Variants in PCDHGA4 observed in about 807,000 individuals in gnomAD.
PCDHGA4 encodes protocadherin gamma subfamily A, 4, also known as protocadherin gamma-A4.
PCDHGA4 carries 38 observed loss-of-function variants against 54.6 expected under a neutral mutation model. The ratio of observed to expected loss-of-function variants is 0.70; its 90% CI spans 0.54 to 0.91. The LOEUF is 0.91. PCDHGA4 is among the 40% of genes least tolerant of loss of function. The pLI, the probability that PCDHGA4 is intolerant of heterozygous loss-of-function variation, is 0.00. For synonymous variants in PCDHGA4, 511 were observed against 512.9 expected, an observed-to-expected ratio of 1.00 and a Z score of 0.05; for missense variants, 1,298 against 1,220.9, an observed-to-expected ratio of 1.06 and a Z score of -0.94.
At chr5:141,445,855 T>C (rs1432695384) in intron 1 of PCDHGA4, among the ~76,000 whole-genome samples, 1 of 152,222 alleles carries the variant, frequency 6.6e-6, no homozygotes, top group Non-Finnish European at 1.5e-5. Flanking sequence ...CTTAAAATTC[T>C]GGATTTTGTT....
At chr5:141,390,887 T>A (rs547559021) in intron 1 of PCDHGA4, 2,724 of 151,184 alleles carry the variant, frequency 0.018, 30 homozygotes, top group African/African-American at 0.021. Flanking sequence ...TGTGTGTGTG[T>A]GAGAGAGATC....
In PCDHGA4 at chr5:141,511,116, G is replaced by A. The variant is rs2099883616; in HGVS notation, c.2832G>A (p.Lys944=). Residue 944 remains lysine, a synonymous_variant, in exon 4 of 4, where the codon AAG becomes AAA. Transcript: ENST00000571252. The stretch of plus-strand genomic sequence containing the variant: ...ACGCAGCTGGCAAGCGGGATGGCAA[G>A]GCCCCAGCAGGTGGCAATGGCAACA... ...LTNAAGKRDG[K]APAGGNGNKK... The A allele has an allele frequency of 1.9e-6, 3 of 1,614,234 alleles. No individual in the cohort carries two copies. The highest frequency in any genetic ancestry group is 2.5e-6 in the Non-Finnish European group (3 of 1,180,026).
chr5:141,490,196 A>G lies in PCDHGA4; in HGVS notation c.2515-4611A>G, dbSNP rs748858034. On this transcript the variant is annotated intron_variant, in intron 1 of 3. Coordinates refer to ENST00000571252, the MANE Select transcript of PCDHGA4 (RefSeq NM_018917.4). The surrounding 1 kb of genome is among the most constrained non-coding windows in gnomAD (Gnocchi z 5.4). ...GAGGAGTCACGTTTCTATGAAATTCATGCAAGAGCCCGTGACCAGGGACAG... is the reference window on the plus strand; with the variant it reads ...GAGGAGTCACGTTTCTATGAAATTCGTGCAAGAGCCCGTGACCAGGGACAG... The G allele has an allele frequency of 3.7e-6, 6 of 1,614,196 alleles. No individual in the cohort carries two copies. The highest frequency in any genetic ancestry group is 4.2e-6 in the Non-Finnish European group (5 of 1,180,020).
At chr5:141,362,612 G>A in intron 1 of PCDHGA4, 3 of 1,553,624 alleles carry the variant, frequency 1.9e-6, no homozygotes, top group Non-Finnish European at 2.6e-6. Flanking sequence ...CCTAATTTGG[G>A]TAGGAAGTTC....
intron 1 of PCDHGA4, chr5:141,359,969 T>G: frequency 3.0e-6 from 2 of 675,724 alleles, no homozygotes; most frequent in Non-Finnish European, 4.4e-6. Context: ...GAGAAGCGTT[T>G]GGGAGCCTCT....
chr5:141,356,269 C>T lies in PCDHGA4; in HGVS notation c.1162C>T (p.Gln388Ter). 1 of 1,562,502 alleles carries T rather than the reference C, an allele frequency of 6.4e-7. No homozygotes were observed. Among genetic ancestry groups the T allele is most frequent in the Non-Finnish European group, 8.7e-7 (1 of 1,152,762 alleles). Residue 388 changes from glutamine (Q) to a stop codon, truncating the protein, a stop_gained, in exon 1 of 4, where the codon CAG becomes TAG. Coordinates refer to ENST00000571252, the MANE Select transcript of PCDHGA4 (RefSeq NM_018917.4). LOFTEE classifies it high-confidence loss of function. ...AGTTACATCTCTCACCAGCTCAGTCCAGGAATCTTCTTCCCCGGGTACAGT... is the reference window on the plus strand; with the variant it reads ...AGTTACATCTCTCACCAGCTCAGTCTAGGAATCTTCTTCCCCGGGTACAGT... ...VTVTSLTSSV[Q>*]ESSSPGTVIA...
chr5:141,419,138 A>G (rs1590146439), intron 1 of PCDHGA4: 1 of 1,613,920 alleles, frequency 6.2e-7, no homozygotes, highest in Non-Finnish European at 8.5e-7. Flanking sequence ...AGCCACAGAC[A>G]GGGGCAAGCC....
At chr5:141,383,378 C>G (rs753458256) in intron 1 of PCDHGA4, 1 of 1,614,002 alleles carries the variant, frequency 6.2e-7, no homozygotes, top group Non-Finnish European at 8.5e-7. Context: ...GCTGGGGATC[C>G]AGATGTGGGC....
intron 1 of PCDHGA4, among the ~76,000 whole-genome samples, chr5:141,479,817 A>T (rs773702225): frequency 6.6e-6 from 1 of 152,230 alleles, no homozygotes; most frequent in Non-Finnish European, 1.5e-5. Flanking sequence ...CAAGGATACT[A>T]TCCAAGGCAT....
chr5:141,423,531 C>T, intron 1 of PCDHGA4: 1 of 1,613,736 alleles, frequency 6.2e-7, no homozygotes, highest in South Asian at 1.1e-5. Context: ...AGAAGAGTCA[C>T]CTGATTTTCC....
At chr5:141,363,170 G>A (rs1375062586) in intron 1 of PCDHGA4, among the ~76,000 whole-genome samples, 1 of 152,186 alleles carries the variant, frequency 6.6e-6, no homozygotes, top group Non-Finnish European at 1.5e-5. Context: ...TCTCTAACAT[G>A]CATTTTAACA....
chr5:141,421,927 C>T (rs1179128418), intron 1 of PCDHGA4: 2 of 1,613,396 alleles, frequency 1.2e-6, no homozygotes, highest in African/African-American at 2.7e-5. Flanking sequence ...TGTGGTGGTC[C>T]TCGATGTAAA....
chr5:141,388,520 G>T, intron 1 of PCDHGA4: 1 of 1,613,822 alleles, frequency 6.2e-7, no homozygotes, highest in Admixed American at 1.7e-5. Flanking sequence ...ACTTGACTTT[G>T]ACTGCCTTGG....
intron 1 of PCDHGA4, chr5:141,422,645 T>C: frequency 6.2e-7 from 1 of 1,612,232 alleles, no homozygotes; most frequent in Non-Finnish European, 8.5e-7. Flanking sequence ...GCCTCCATCT[T>C]CTCAGTGACC....
intron 1 of PCDHGA4, chr5:141,409,179 G>T (rs761754962): frequency 1.2e-5 from 20 of 1,613,988 alleles, no homozygotes; most frequent in Non-Finnish European, 1.6e-5. Context: ...GACGGAGGTG[G>T]TCTCTCTACC....
chr5:141,433,029 T>C (rs2097561523), intron 1 of PCDHGA4: 2 of 1,613,998 alleles, frequency 1.2e-6, no homozygotes, highest in African/African-American at 2.7e-5. Flanking sequence ...TCCCACGAGG[T>C]TTCCCTCACC....
At chr5:141,380,525 A>T (rs904711647) in intron 1 of PCDHGA4, among the ~76,000 whole-genome samples, 3 of 152,206 alleles carry the variant, frequency 2.0e-5, no homozygotes, top group Non-Finnish European at 1.5e-5. Context: ...CTATGAAATG[A>T]TTTCAATTTG....
chr5:141,426,772 C>T, intron 1 of PCDHGA4: 1 of 456,686 alleles, frequency 2.2e-6, no homozygotes, highest in South Asian at 1.5e-5. Context: ...GATGTAGGGC[C>T]TCACTCTCTC....
At chr5:141,445,213 A>C (rs775782586) in intron 1 of PCDHGA4, among the ~76,000 whole-genome samples, 1 of 152,226 alleles carries the variant, frequency 6.6e-6, no homozygotes, top group Non-Finnish European at 1.5e-5. Context: ...TTGAAAAGTA[A>C]GAGGTGCAAA....
Sources: gnomAD v4.1 joint callset for allele counts (sites outside exome capture counted in the v4.1 genomes callset) on GRCh38, gnomAD v4.1.1 for gene constraint, Gnocchi (gnomAD v3.1) non-coding constraint, MANE v1.5 for transcripts, NCBI Gene and HGNC (gene_info 2026-07-23, HGNC 2026-07-21) for gene names.